BTAF1: variants seen among roughly 807,000 people sequenced by gnomAD.
BTAF1 encodes TATA-binding protein-associated factor 172.
Under a neutral mutation model 227.1 loss-of-function variants are expected in BTAF1, and 38 were observed. The observed-to-expected ratio is 0.17, with a 90% CI of 0.13 to 0.22. The LOEUF is 0.22. Among genes scored for constraint, BTAF1 ranks in the 10% least tolerant of loss-of-function variants. The probability of loss-of-function intolerance (pLI) is 1.00; values close to 1 mark genes in which losing one functional copy is unlikely to be tolerated. For missense variants in BTAF1, 1,598 were observed against 2,204.0 expected, an observed-to-expected ratio of 0.73 and a Z score of 5.51; for synonymous variants, 742 against 751.9, an observed-to-expected ratio of 0.99 and a Z score of 0.21.
chr10:91,989,438 C>T lies in BTAF1; in HGVS notation c.2712C>T (p.Leu904=), dbSNP rs1291043591. 1.9e-6 allele frequency: 3 copies of T among 1,614,122 alleles called. No homozygotes were observed. The highest frequency in any genetic ancestry group is 1.7e-6 in the Non-Finnish European group (2 of 1,180,026). The change falls in exon 20 of 38, where the codon CTC becomes CTT. Residue 904 remains leucine, a synonymous_variant. Transcript: ENST00000265990. ...ATGCAGCTCAGTGCATAGCTAAACT[C>T]CTTCAGCAGTGCACAACAAGGACGC... The part of the protein sequence containing the change: ...QNYAAQCIAK[L]LQQCTTRTPC...
intron 37 of BTAF1, among the ~76,000 whole-genome samples, chr10:92,028,276 A>C (rs1210559670): frequency 6.6e-6 from 1 of 152,202 alleles, no homozygotes; most frequent in Non-Finnish European, 1.5e-5. Flanking sequence ...GAAATGGCCT[A>C]TTGCCATAAA....
chr10:92,002,729 G>A (rs2134077904), intron 25 of BTAF1, among the ~76,000 whole-genome samples: 1 of 152,020 alleles, frequency 6.6e-6, no homozygotes, highest in African/African-American at 2.4e-5. Context: ...AGTGTTGTGT[G>A]GAATATATAT....
intron 33 of BTAF1, among the ~76,000 whole-genome samples, chr10:92,017,509 G>C (rs1324498560): frequency 2.0e-5 from 3 of 151,798 alleles, no homozygotes; most frequent in Non-Finnish European, 4.4e-5. Flanking sequence ...TCTAGTTTTT[G>C]TTTTGTTTTG....
At chr10:91,993,570 GCT>G in intron 21 of BTAF1, 122 bp from the exon 22 acceptor site, 1 of 747,484 alleles carries the variant, frequency 1.3e-6, no homozygotes. Context: ...TCTAATAATT[GCT>G]TACTTGGTTA....
At chr10:92,022,266 A>T (rs778451010) in intron 34 of BTAF1, among the ~76,000 whole-genome samples, 1 of 152,234 alleles carries the variant, frequency 6.6e-6, no homozygotes, top group Non-Finnish European at 1.5e-5. Flanking sequence ...GAGAAGTCCT[A>T]GTTGGATATT....
intron 19 of BTAF1, among the ~76,000 whole-genome samples, chr10:91,987,407 C>T (rs940495112): frequency 1.3e-5 from 2 of 151,954 alleles, no homozygotes; most frequent in Non-Finnish European, 2.9e-5. Context: ...GGCGTGAACC[C>T]AGGAGGCGGA....
At chr10:91,967,356 T>G (rs1394794678) in intron 14 of BTAF1, among the ~76,000 whole-genome samples, 1 of 152,198 alleles carries the variant, frequency 6.6e-6, no homozygotes, top group Non-Finnish European at 1.5e-5. Context: ...GGCTTCACAT[T>G]CCCATTTTTA....
In BTAF1 at chr10:91,942,285, T is replaced by TA. The variant is rs67087052; in HGVS notation, c.254-127dup. On this transcript the variant is annotated intron_variant, in intron 3 of 37. Coordinates refer to ENST00000265990, the MANE Select transcript of BTAF1 (RefSeq NM_003972.3). ...GGCAACAGAGCAAGACCTCACTTCT[T>TA]AAAAAAAAAAGTTTGTGTGTGTGTG... is the stretch of plus-strand genomic sequence containing the variant. 0.27 allele frequency: 160,081 copies of TA among 589,186 alleles called. 17,079 individuals are homozygous for TA. The highest frequency in any genetic ancestry group is 0.41 in the South Asian group (16,531 of 40,538). The allele number at this position is 589,186 out of a possible 1,614,324, so 36.5% of individuals were successfully genotyped here. A position where few individuals can be genotyped will look rare whatever the true frequency, so the allele number is the denominator to read the frequency against.
In BTAF1 at chr10:92,013,931, G is replaced by A. The variant is rs781246439; in HGVS notation, c.4486G>A (p.Val1496Ile). 1 of 1,613,828 alleles carries A rather than the reference G, an allele frequency of 6.2e-7. No homozygotes were observed. Among genetic ancestry groups the A allele is most frequent in the Non-Finnish European group, 8.5e-7 (1 of 1,180,002 alleles). ...TGCTATGGATGCGCTGCACCGCCAAGTACTACCGTTTCTTTTGAGAAGAAT... is the reference window on the plus strand; with the variant it reads ...TGCTATGGATGCGCTGCACCGCCAAATACTACCGTTTCTTTTGAGAAGAAT... ...VLAMDALHRQ[V>I]LPFLLRRMKE... The change falls in exon 32 of 38, where the codon GTA becomes ATA. Residue 1496 changes from valine (V) to isoleucine (I), a missense_variant. Around this residue, in one of 10 missense-constraint regions of BTAF1, gnomAD observed 184 missense variants for 341.1 expected, o/e 0.54. Coordinates refer to ENST00000265990, the MANE Select transcript of BTAF1 (RefSeq NM_003972.3).
Position 92,029,365 on chromosome 10 carries a change from T to A in BTAF1, c.*432T>A, listed in dbSNP as rs1851743271. ...GGCTTTTTTTCTATAAAAGCCTTAATGAGCCATAATTTTAAGAATATAAGA... is the reference window on the plus strand; with the variant it reads ...GGCTTTTTTTCTATAAAAGCCTTAAAGAGCCATAATTTTAAGAATATAAGA... On this transcript the variant is annotated 3_prime_UTR_variant, in exon 38 of 38. Coordinates refer to ENST00000265990, the MANE Select transcript of BTAF1 (RefSeq NM_003972.3). The A allele has an allele frequency of 6.5e-6, 1 of 152,710 alleles. No homozygotes were observed. Among genetic ancestry groups the A allele is most frequent in the South Asian group, 2.1e-4 (1 of 4,840 alleles). The allele number at this position is 152,710 out of a possible 1,614,324, so 9.5% of individuals were successfully genotyped here. A position where few individuals can be genotyped will look rare whatever the true frequency, so the allele number is the denominator to read the frequency against.
At chr10:91,988,670 G>C (rs1013371066) in intron 19 of BTAF1, among the ~76,000 whole-genome samples, 4 of 152,190 alleles carry the variant, frequency 2.6e-5, no homozygotes, top group African/African-American at 9.7e-5. Context: ...GGAGGTTAAA[G>C]AAAGAAAGAG....
intron 14 of BTAF1, among the ~76,000 whole-genome samples, chr10:91,973,765 G>A (rs1468552979): frequency 1.3e-5 from 2 of 150,904 alleles, no homozygotes; most frequent in Non-Finnish European, 1.5e-5. Context: ...TTAGCCGGGC[G>A]TAGTGGCGGG....
At chr10:92,022,655 C>G (rs1006655981) in intron 34 of BTAF1, among the ~76,000 whole-genome samples, 2 of 152,120 alleles carry the variant, frequency 1.3e-5, no homozygotes, top group Non-Finnish European at 2.9e-5. Flanking sequence ...TGGCCTCAAG[C>G]AGTCTTCCCA....
At chr10:92,027,920 T>C (rs1851635265) in intron 37 of BTAF1, among the ~76,000 whole-genome samples, 1 of 152,190 alleles carries the variant, frequency 6.6e-6, no homozygotes, top group Non-Finnish European at 1.5e-5. Context: ...GGGTATATGA[T>C]GATTAAAACT....
intron 24 of BTAF1, chr10:91,997,219 T>A: frequency 8.8e-7 from 1 of 1,142,676 alleles, no homozygotes; most frequent in East Asian, 5.7e-5. Context: ...GGTGGGAAAT[T>A]TGGAATTAAT....
chr10:91,933,253 A>G (rs1844391040), intron 1 of BTAF1, among the ~76,000 whole-genome samples: 1 of 152,214 alleles, frequency 6.6e-6, no homozygotes, highest in Admixed American at 6.5e-5. Context: ...TGAGCCATTG[A>G]AAGTTTTAAA....
intron 4 of BTAF1, among the ~76,000 whole-genome samples, chr10:91,943,159 C>T (rs1340774020): frequency 1.3e-5 from 2 of 152,012 alleles, no homozygotes; most frequent in Non-Finnish European, 1.5e-5. Flanking sequence ...ACTAAAAATA[C>T]AAAAATTAGC....
intron 14 of BTAF1, among the ~76,000 whole-genome samples, chr10:91,979,313 T>G (rs1388542051): frequency 6.6e-6 from 1 of 152,206 alleles, no homozygotes; most frequent in African/African-American, 2.4e-5. Flanking sequence ...ATATAATGAT[T>G]TATATTCCTT....
chr10:91,959,584 A>G (rs997732999), intron 9 of BTAF1, among the ~76,000 whole-genome samples: 5 of 151,820 alleles, frequency 3.3e-5, no homozygotes, highest in African/African-American at 4.8e-5. Context: ...AATTGGGACT[A>G]TTCTACTTTT....
Sources: gnomAD v4.1 joint callset for allele counts (sites outside exome capture counted in the v4.1 genomes callset) on GRCh38, gnomAD v4.1.1 for gene constraint, gnomAD v4.1.1 regional missense constraint, MANE v1.5 for transcripts, NCBI Gene and HGNC (gene_info 2026-07-23, HGNC 2026-07-21) for gene names.